The following ARB2A variants were observed in gnomAD, a reference collection of about 807,000 sequenced individuals.
ARB2A encodes cotranscriptional regulator ARB2A.
At chr5:93,741,591 G>A in the ARB2A span, 4 of 1,481,610 alleles carry the variant, frequency 2.7e-6, no homozygotes, top group Non-Finnish European at 3.6e-6. Flanking sequence ...CAGCGGCTCT[G>A]GTAGGAACTG....
chr5:93,776,204 T>C, the ARB2A span: 1 of 1,612,162 alleles, frequency 6.2e-7, no homozygotes. Context: ...TCCACTGATG[T>C]GTCTAATGGT....
chr5:93,675,898 G>A, the ARB2A span, among the ~76,000 whole-genome samples: 1 of 152,160 alleles, frequency 6.6e-6, no homozygotes, highest in African/African-American at 2.4e-5. Flanking sequence ...TTAGCTCTCT[G>A]ATTAATCATT....
At chr5:93,756,342 G>C in the ARB2A span, among the ~76,000 whole-genome samples, 3 of 152,206 alleles carry the variant, frequency 2.0e-5, no homozygotes, top group Non-Finnish European at 4.4e-5. Flanking sequence ...CTAGGGCCCT[G>C]CCCACCGCTG....
At chr5:93,836,550 T>C in the ARB2A span, among the ~76,000 whole-genome samples, 1 of 152,256 alleles carries the variant, frequency 6.6e-6, no homozygotes, top group Admixed American at 6.5e-5. Context: ...AACAGTTATA[T>C]GTAAAACATA....
chr5:94,029,117 G>A, the ARB2A span, among the ~76,000 whole-genome samples: 4 of 152,010 alleles, frequency 2.6e-5, no homozygotes, highest in South Asian at 6.2e-4. Flanking sequence ...TCATCATTCC[G>A]AGTAGCTAGG....
At chr5:93,855,518 T>A in the ARB2A span, among the ~76,000 whole-genome samples, 1 of 152,200 alleles carries the variant, frequency 6.6e-6, no homozygotes, top group African/African-American at 2.4e-5. Context: ...TAGCTGGTTA[T>A]TTTGCTCGTT....
chr5:93,961,996 T>G, the ARB2A span, among the ~76,000 whole-genome samples: 1 of 152,162 alleles, frequency 6.6e-6, no homozygotes, highest in South Asian at 2.1e-4. Flanking sequence ...ATAAAGATAG[T>G]GCTAATTTTA....
chr5:94,085,042 A>C, the ARB2A span, among the ~76,000 whole-genome samples: 3 of 152,188 alleles, frequency 2.0e-5, no homozygotes, highest in African/African-American at 7.2e-5. Flanking sequence ...AGAATGCAGA[A>C]TAATACAGAT....
At chr5:93,989,418 A>G in the ARB2A span, among the ~76,000 whole-genome samples, 4 of 152,182 alleles carry the variant, frequency 2.6e-5, no homozygotes, top group African/African-American at 4.8e-5. Flanking sequence ...ATTAAAAGAA[A>G]TTTAGGTTAG....
the ARB2A span, among the ~76,000 whole-genome samples, chr5:93,778,198 C>A: frequency 6.6e-6 from 1 of 151,886 alleles, no homozygotes; most frequent in Non-Finnish European, 1.5e-5. Flanking sequence ...CAGTTGAATG[C>A]AAAATTACAC....
chr5:93,698,592 G>A, the ARB2A span, among the ~76,000 whole-genome samples: 2 of 152,022 alleles, frequency 1.3e-5, no homozygotes, highest in African/African-American at 2.4e-5. Flanking sequence ...GTTCATTCTA[G>A]GCAGAGGCCA....
the ARB2A span, among the ~76,000 whole-genome samples, chr5:93,782,833 A>C: frequency 6.6e-6 from 1 of 152,084 alleles, no homozygotes; most frequent in Non-Finnish European, 1.5e-5. Flanking sequence ...AAAATACAAA[A>C]CTCTTCAAAT....
chr5:93,910,903 T>C, the ARB2A span: 1 of 151,578 alleles, frequency 6.6e-6, no homozygotes. Context: ...TCAGCTTTTT[T>C]TTGAACATCT....
At chr5:93,705,790 T>C in the ARB2A span, among the ~76,000 whole-genome samples, 1 of 152,048 alleles carries the variant, frequency 6.6e-6, no homozygotes, top group South Asian at 2.1e-4. Flanking sequence ...CACTGAAAAC[T>C]CAATTAAGCT....
At chr5:94,079,261 CAT>C in the ARB2A span, among the ~76,000 whole-genome samples, 1 of 152,170 alleles carries the variant, frequency 6.6e-6, no homozygotes, top group Non-Finnish European at 1.5e-5. Flanking sequence ...ACAAAGATCA[CAT>C]ATGTGGGTTC....
chr5:93,620,980 G>A, the ARB2A span: 20 of 1,601,502 alleles, frequency 1.2e-5, no homozygotes, highest in Non-Finnish European at 1.4e-5. Context: ...CGTCGCGCTC[G>A]CTCCTCTTAC....
the ARB2A span, among the ~76,000 whole-genome samples, chr5:94,107,186 T>C: frequency 6.6e-6 from 1 of 152,184 alleles, no homozygotes; most frequent in Non-Finnish European, 1.5e-5. Context: ...CAGTGTTATT[T>C]TCTCTGAAGC....
At chr5:93,829,459 A>G in the ARB2A span, among the ~76,000 whole-genome samples, 366 of 152,258 alleles carry the variant, frequency 2.4e-3, 1 homozygote, top group African/African-American at 8.4e-3. Flanking sequence ...TATTTTTCCC[A>G]AGGATTAGGT....
the ARB2A span, among the ~76,000 whole-genome samples, chr5:93,817,164 A>C: frequency 1.3e-5 from 2 of 152,074 alleles, no homozygotes; most frequent in Non-Finnish European, 2.9e-5. Flanking sequence ...ATACAAGACT[A>C]ACATATAAAA....
Sources: gnomAD v4.1 joint callset for allele counts (sites outside exome capture counted in the v4.1 genomes callset) on GRCh38, gnomAD v4.1.1 for gene constraint, MANE v1.5 for transcripts, NCBI Gene and HGNC (gene_info 2026-07-23, HGNC 2026-07-21) for gene names.